The following RASSF6 variants were observed in gnomAD, a reference collection of about 807,000 sequenced individuals.
The protein encoded by RASSF6 is Ras association domain family member 6, also known as ras association domain-containing protein 6.
Under a neutral mutation model 44.0 loss-of-function variants are expected in RASSF6, and 52 were observed. The ratio of observed to expected loss-of-function variants is 1.18; its 90% CI spans 0.95 to 1.49. RASSF6 has a LOEUF of 1.49. Ranked by LOEUF, RASSF6 falls within the 40% of genes most tolerant of loss-of-function variation. RASSF6 has a pLI of 0.00. For synonymous variants in RASSF6, 162 were observed against 124.6 expected, an observed-to-expected ratio of 1.30 and a Z score of -2.00; for missense variants, 464 against 393.3, an observed-to-expected ratio of 1.18 and a Z score of -1.52.
chr4:73,619,573 C>A (rs1010510308), intron 1 of RASSF6, among the ~76,000 whole-genome samples: 2 of 152,126 alleles, frequency 1.3e-5, no homozygotes, highest in Non-Finnish European at 2.9e-5. Flanking sequence ...TCAAAGAAAG[C>A]CTTATGTGGC....
chr4:73,602,904 C>T (rs751362145), intron 2 of RASSF6, among the ~76,000 whole-genome samples: 2 of 152,010 alleles, frequency 1.3e-5, no homozygotes, highest in African/African-American at 2.4e-5. Context: ...CTGGATAACA[C>T]GGTGAAACCC....
At position 73,587,855 on chromosome 4, in the gene RASSF6, T is replaced by G. The variant is rs752572797; in HGVS notation, c.367A>C (p.Arg123=). The G allele has an allele frequency of 1.2e-6, 2 of 1,602,114 alleles. No individual in the cohort carries two copies. Among genetic ancestry groups the G allele is most frequent in the South Asian group, 2.2e-5 (2 of 90,202 alleles). Residue 123 remains arginine, a synonymous_variant, in exon 5 of 11, where the codon AGG becomes CGG. Coordinates refer to ENST00000307439, the MANE Select transcript of RASSF6 (RefSeq NM_177532.5). ...TGATACTGACCTTCCTGGGAATTCC[T>G]TTTTTCAGACATAGGAATCTGGGTC... ...DRTQIPMSEK[R]NSQEDYLSYH...
At chr4:73,593,799 C>A (rs923074098) in intron 3 of RASSF6, among the ~76,000 whole-genome samples, 1 of 152,166 alleles carries the variant, frequency 6.6e-6, no homozygotes, top group Non-Finnish European at 1.5e-5. Flanking sequence ...CTATACCCAG[C>A]AAAGTGAGTA....
chr4:73,604,957 T>C (rs1014182674), intron 2 of RASSF6, among the ~76,000 whole-genome samples: 12 of 151,306 alleles, frequency 7.9e-5, no homozygotes, highest in African/African-American at 2.7e-4. Flanking sequence ...TGGTGTGATC[T>C]CATCTCATTG....
intron 2 of RASSF6, among the ~76,000 whole-genome samples, chr4:73,603,258 T>C (rs1408368834): frequency 6.6e-6 from 1 of 152,224 alleles, no homozygotes; most frequent in African/African-American, 2.4e-5. Flanking sequence ...AAACACTATA[T>C]AAGGATGGTG....
rs1416760554 is a variant in RASSF6 at position 73,593,504 on chromosome 4, C to A, written c.234G>T (p.Lys78Asn). The change falls in exon 4 of 11, where the codon AAG becomes AAT. Residue 78 changes from lysine (K) to asparagine (N), a missense_variant. Physicochemically the swap from Lys to Asn is moderately conservative, Grantham distance 94. Transcript: ENST00000307439. ...TCATACTAGTAAAAGAAGAGAATGG[C>A]TTCTCATCTTGTATTTTTAGCTGTA... ...RPIQLKIQDE[K>N]PFSSFTSMKS... 2.5e-6 allele frequency: 4 copies of A among 1,613,012 alleles called. No homozygotes were observed. Among genetic ancestry groups the A allele is most frequent in the Non-Finnish European group, 3.4e-6 (4 of 1,179,202 alleles).
At position 73,580,845 on chromosome 4, in the gene RASSF6, T is replaced by C. The variant is rs886515095; in HGVS notation, c.721+972A>G. Among the ~76,000 whole-genome samples, 56 of 93,928 alleles carry C rather than the reference T, an allele frequency of 6.0e-4. 5 individuals are homozygous for C. The highest frequency in any genetic ancestry group is 1.6e-3 in the African/African-American group (50 of 30,546). The allele number at this position is 93,928 out of a possible 152,430, so 61.6% of individuals were successfully genotyped here. A position where few individuals can be genotyped will look rare whatever the true frequency, so the allele number is the denominator to read the frequency against. ...GGTTGCCTGTTCACTCTGATGGTAG[T>C]TTCTTTTGCTGTGCAGAAGCTCTTT... On this transcript the variant is annotated intron_variant, in intron 8 of 10. Transcript: ENST00000307439.
intron 4 of RASSF6, among the ~76,000 whole-genome samples, chr4:73,589,500 G>A (rs16849720): frequency 0.018 from 2,774 of 151,924 alleles, 78 homozygotes; most frequent in African/African-American, 0.063. Flanking sequence ...TCAAATTCTC[G>A]GTGACCCTCG....
chr4:73,589,695 T>C (rs1724378925), intron 4 of RASSF6, among the ~76,000 whole-genome samples: 1 of 152,148 alleles, frequency 6.6e-6, no homozygotes, highest in Admixed American at 6.5e-5. Context: ...TCAGGGCAGT[T>C]ATCCAGAGTT....
chr4:73,587,076 T>G (rs1013983451), intron 5 of RASSF6, among the ~76,000 whole-genome samples: 1 of 152,042 alleles, frequency 6.6e-6, no homozygotes, highest in Non-Finnish European at 1.5e-5. Flanking sequence ...GTCATCAGCA[T>G]CCACTACTCT....
chr4:73,615,795 A>C (rs1318605479), intron 1 of RASSF6: 2 of 930,072 alleles, frequency 2.2e-6, no homozygotes, highest in Non-Finnish European at 3.4e-6. Context: ...CTGAGGAGGC[A>C]GTGTTGGGCA....
In RASSF6 at chr4:73,586,185, AATAT is replaced by A. The variant is rs1167665444; in HGVS notation, c.383-825_383-822del. Among the ~76,000 whole-genome samples, 20 of 151,960 alleles carry A rather than the reference AATAT, an allele frequency of 1.3e-4. No individual in the cohort carries two copies. The East Asian group carries it at 3.5e-3, about 26-fold the overall frequency. On this transcript the variant is annotated intron_variant, in intron 5 of 10. Coordinates refer to ENST00000307439, the MANE Select transcript of RASSF6 (RefSeq NM_177532.5). The stretch of plus-strand genomic sequence containing the variant: ...GCTTTGGACTAGTCCTACTATTTGT[AATAT>A]ATCACATTATGTTCTTTTTAGAACA...
chr4:73,600,385 T>C (rs200890863), intron 2 of RASSF6, among the ~76,000 whole-genome samples: 3 of 141,940 alleles, frequency 2.1e-5, no homozygotes, highest in Non-Finnish European at 4.6e-5. Context: ...AGCGGTTTTA[T>C]AAAAAAAAAA....
chr4:73,587,923 C>T lies in RASSF6; in HGVS notation c.299G>A (p.Trp100Ter), dbSNP rs777372783. The T allele has an allele frequency of 9.3e-6, 15 of 1,605,802 alleles. No individual in the cohort carries two copies. The highest frequency in any genetic ancestry group is 1.6e-4 in the Middle Eastern group (1 of 6,062). Reference protein sequence around the residue: ...DVFSSKGMTRWGEFDDLYRIS... With the variant: ...DVFSSKGMTR Reference sequence around the variant, plus strand: ...ACGATAGAGATCGTCAAATTCCCCCCAGCGTGTCATTCTGAGAAGTAATAA... The same window carrying T: ...ACGATAGAGATCGTCAAATTCCCCCTAGCGTGTCATTCTGAGAAGTAATAA... The change falls in exon 5 of 11, where the codon TGG becomes TAG. Residue 100 changes from tryptophan to a stop codon, truncating the protein, a stop_gained. Transcript: ENST00000307439. LOFTEE classifies it high-confidence loss of function.
chr4:73,620,344 T>G lies in RASSF6; in HGVS notation c.-91A>C. On this transcript the variant is annotated 5_prime_UTR_variant, in exon 1 of 11. Transcript: ENST00000307439. ...TTTCACCATCGTTGTTCGGCTGAACTTGCTTCGCGGTTTGTTCTCGGCTGG... is the reference window on the plus strand; with the variant it reads ...TTTCACCATCGTTGTTCGGCTGAACGTGCTTCGCGGTTTGTTCTCGGCTGG... 6.7e-7 allele frequency: 1 copy of G among 1,489,426 alleles called. No individual in the cohort carries two copies. The highest frequency in any genetic ancestry group is 8.9e-7 in the Non-Finnish European group (1 of 1,123,762). The allele number at this position is 1,489,426 out of a possible 1,614,324, so 92.3% of individuals were successfully genotyped here.
chr4:73,587,927 G>A lies in RASSF6; in HGVS notation c.295C>T (p.Arg99Cys), dbSNP rs756955118. ...SDVFSSKGMT[R>C]WGEFDDLYRI... ...TAGAGATCGTCAAATTCCCCCCAGC[G>A]TGTCATTCTGAGAAGTAATAAATCT... is the stretch of plus-strand genomic sequence containing the variant. Residue 99 changes from arginine (R) to cysteine (C), a missense_variant, in exon 5 of 11, where the codon CGC becomes TGC. Coordinates refer to ENST00000307439, the MANE Select transcript of RASSF6 (RefSeq NM_177532.5). 2.7e-5 allele frequency: 43 copies of A among 1,602,056 alleles called. No homozygotes were observed. Among genetic ancestry groups the A allele is most frequent in the South Asian group, 1.7e-4 (15 of 90,304 alleles).
rs116235172 is a variant in RASSF6 at position 73,579,316 on chromosome 4, A to G, written c.721+2501T>C. Among the ~76,000 whole-genome samples the G allele has an allele frequency of 4.0e-3, 606 of 152,316 alleles. 4 individuals carry two copies. The highest frequency in any genetic ancestry group is 0.014 in the African/African-American group (580 of 41,558). ...ATAGATTCTCACAAATGGAATGGTC[A>G]AGTTAAAGGACATATATACTGTAAA... On this transcript the variant is annotated intron_variant, in intron 8 of 10. Transcript: ENST00000307439.
intron 1 of RASSF6, among the ~76,000 whole-genome samples, chr4:73,612,661 A>C (rs1726107559): frequency 6.6e-6 from 1 of 152,224 alleles, no homozygotes; most frequent in East Asian, 1.9e-4. Flanking sequence ...ATTCTCATAA[A>C]ATCTCTGATG....
intron 3 of RASSF6, among the ~76,000 whole-genome samples, chr4:73,593,850 T>G (rs79914686): frequency 6.6e-6 from 1 of 152,246 alleles, no homozygotes; most frequent in Non-Finnish European, 1.5e-5. Context: ...GGGCACAGTA[T>G]GTCAAAATGC....
Sources: allele counts gnomAD v4.1 joint callset (sites outside exome capture counted in the v4.1 genomes callset), GRCh38; gene constraint gnomAD v4.1.1; transcripts MANE v1.5; gene names NCBI Gene and HGNC (gene_info 2026-07-23, HGNC 2026-07-21).